Variants in UNC13B observed in about 807,000 individuals in gnomAD.
The protein encoded by UNC13B is unc-13 homolog B.
Under a neutral mutation model 211.0 loss-of-function variants are expected in UNC13B, and 144 were observed. The observed-to-expected ratio is 0.68, with a 90% confidence interval of 0.60 to 0.78. The LOEUF (loss-of-function observed/expected upper bound fraction) is 0.78, where lower values mean the gene tolerates loss of function less well. Among genes scored for constraint, UNC13B ranks in the 30% least tolerant of loss-of-function variants. UNC13B has a pLI of 0.00. For synonymous variants in UNC13B, 709 were observed against 725.8 expected (o/e 0.98, Z 0.37); for missense variants, 1,777 against 2,002.0 (o/e 0.89, Z 2.14).
chr9:35,296,484 T>C (rs1352164577), intron 8 of UNC13B, among the ~76,000 whole-genome samples: 1 of 152,232 alleles, frequency 6.6e-6, no homozygotes, highest in Admixed American at 6.5e-5. Context: ...CACCCCATCT[T>C]CTTCCTGTTT....
At chr9:35,241,992 G>C (rs1274120832) in intron 5 of UNC13B, among the ~76,000 whole-genome samples, 1 of 152,168 alleles carries the variant, frequency 6.6e-6, no homozygotes, top group Non-Finnish European at 1.5e-5. Context: ...GTGGCTACTA[G>C]AAAGTGTATC....
At chr9:35,330,734 T>G (rs540264030) in intron 11 of UNC13B, among the ~76,000 whole-genome samples, 1 of 152,354 alleles carries the variant, frequency 6.6e-6, no homozygotes, top group African/African-American at 2.4e-5. Flanking sequence ...TCATCAATGG[T>G]GGATCTTCTA....
At chr9:35,231,262 C>CT in intron 3 of UNC13B, 43 bp downstream of exon 3, 1 of 1,298,500 alleles carries the variant, frequency 7.7e-7, no homozygotes, top group Non-Finnish European at 1.1e-6. Context: ...ATTTTATAAT[C>CT]TTTTTAAGGG....
chr9:35,318,366 C>G (rs1830569305), intron 11 of UNC13B, among the ~76,000 whole-genome samples: 1 of 152,160 alleles, frequency 6.6e-6, no homozygotes, highest in Non-Finnish European at 1.5e-5. Flanking sequence ...AAGTTAAGCA[C>G]AACACCAAGG....
chr9:35,340,548 T>C (rs148174376), intron 11 of UNC13B, among the ~76,000 whole-genome samples: 40 of 152,328 alleles, frequency 2.6e-4, no homozygotes, highest in Admixed American at 1.6e-3. Flanking sequence ...GTTTGTGGGC[T>C]AAAGAGGCCA....
intron 26 of UNC13B, among the ~76,000 whole-genome samples, chr9:35,391,816 G>A (rs890491596): frequency 1.3e-5 from 2 of 152,194 alleles, no homozygotes; most frequent in African/African-American, 4.8e-5. Context: ...TCAAACAGAA[G>A]TATCTTAGGA....
chr9:35,289,822 CA>C lies in UNC13B; in HGVS notation c.527-5869del, dbSNP rs1402975370. ...TGAAACCCTGTCTCTACTGAAAATACAAAAATTAGCCAGGCGTGTTGGTAGG... is the reference window on the plus strand; with the variant it reads ...TGAAACCCTGTCTCTACTGAAAATACAAAATTAGCCAGGCGTGTTGGTAGG... On this transcript the variant is annotated intron_variant, in intron 7 of 39. Coordinates refer to ENST00000635942, the MANE Select transcript of UNC13B (RefSeq NM_001371189.2). Among the ~76,000 whole-genome samples the C allele has an allele frequency of 3.9e-5, 6 of 151,906 alleles. No homozygotes were observed. The South Asian group carries it at 1.2e-3, about 32-fold the overall frequency.
intron 1 of UNC13B, among the ~76,000 whole-genome samples, chr9:35,205,360 T>TA (rs894946671): frequency 1.1e-4 from 16 of 151,992 alleles, no homozygotes; most frequent in African/African-American, 3.6e-4. Context: ...TGGTTTACTT[T>TA]AAAAAAAATA....
intron 12 of UNC13B, among the ~76,000 whole-genome samples, chr9:35,368,722 T>G (rs1197800817): frequency 2.0e-5 from 2 of 100,136 alleles, no homozygotes; most frequent in South Asian, 3.2e-4. Flanking sequence ...TCAGTATCTG[T>G]TTTTTTTTTT....
intron 11 of UNC13B, among the ~76,000 whole-genome samples, chr9:35,350,733 G>T (rs34502395): frequency 0.16 from 24,118 of 152,038 alleles, 2,878 homozygotes; most frequent in African/African-American, 0.32. Context: ...TTTAAAATAC[G>T]TAAACCATTG....
intron 11 of UNC13B, among the ~76,000 whole-genome samples, chr9:35,337,142 A>G (rs1401446072): frequency 6.6e-6 from 1 of 152,182 alleles, no homozygotes; most frequent in Non-Finnish European, 1.5e-5. Context: ...TGAGTGACAA[A>G]AACTTATGTA....
intron 11 of UNC13B, among the ~76,000 whole-genome samples, chr9:35,363,067 A>AAT (rs1274896623): frequency 6.6e-6 from 1 of 152,120 alleles, no homozygotes; most frequent in Non-Finnish European, 1.5e-5. Context: ...AGTAAATAAA[A>AAT]ATTTGGGGTT....
intron 7 of UNC13B, among the ~76,000 whole-genome samples, chr9:35,276,728 C>T (rs924143707): frequency 6.6e-6 from 1 of 152,156 alleles, no homozygotes; most frequent in African/African-American, 2.4e-5. Context: ...TATTCCACTC[C>T]GGGATAACTA....
At chr9:35,267,324 C>T (rs143792881) in intron 7 of UNC13B, among the ~76,000 whole-genome samples, 1 of 152,322 alleles carries the variant, frequency 6.6e-6, no homozygotes, top group East Asian at 1.9e-4. Context: ...AAATGTCTCT[C>T]TCAGAAGTGT....
intron 1 of UNC13B, among the ~76,000 whole-genome samples, chr9:35,193,556 G>A (rs1822772043): frequency 6.6e-6 from 1 of 151,702 alleles, no homozygotes; most frequent in South Asian, 2.1e-4. Flanking sequence ...TACTCAGGAG[G>A]CTGAGGCAGG....
intron 11 of UNC13B, among the ~76,000 whole-genome samples, chr9:35,363,816 C>CAA (rs1833590047): frequency 6.6e-6 from 1 of 152,112 alleles, no homozygotes; most frequent in Non-Finnish European, 1.5e-5. Flanking sequence ...CTGGAAGTGT[C>CAA]AGTTTCCTTT....
At chr9:35,223,476 T>C (rs1218152823) in intron 1 of UNC13B, among the ~76,000 whole-genome samples, 1 of 152,178 alleles carries the variant, frequency 6.6e-6, no homozygotes, top group Non-Finnish European at 1.5e-5. Context: ...ATATACATGT[T>C]GGCCATTCTT....
intron 12 of UNC13B, among the ~76,000 whole-genome samples, chr9:35,367,440 G>A (rs1315292076): frequency 6.6e-6 from 1 of 152,166 alleles, no homozygotes; most frequent in Non-Finnish European, 1.5e-5. Flanking sequence ...CATACAGTGT[G>A]TAATACTCAC....
intron 1 of UNC13B, among the ~76,000 whole-genome samples, chr9:35,189,863 G>T (rs1056956297): frequency 2.0e-5 from 3 of 152,122 alleles, no homozygotes; most frequent in African/African-American, 7.2e-5. Flanking sequence ...TAGAGATGGG[G>T]TTTTTCCATG....
Sources: allele counts gnomAD v4.1 joint callset (sites outside exome capture counted in the v4.1 genomes callset), GRCh38; gene constraint gnomAD v4.1.1; transcripts MANE v1.5; gene names NCBI Gene and HGNC (gene_info 2026-07-23, HGNC 2026-07-21).